Variants in DTNB observed in about 807,000 individuals in gnomAD.
DTNB encodes the protein dystrobrevin beta, also known as DTN-B.
Under a neutral mutation model 90.7 loss-of-function variants are expected in DTNB, and 63 were observed. That is an observed-to-expected ratio of 0.69 (90% CI 0.57 to 0.86). The LOEUF (loss-of-function observed/expected upper bound fraction) is 0.86. Ranked by LOEUF, DTNB falls within the 40% of genes least tolerant of loss-of-function variation. The pLI is 0.00. For synonymous variants in DTNB, 277 were observed against 286.7 expected (o/e 0.97, Z 0.34); for missense variants, 744 against 807.1 (o/e 0.92, Z 0.95).
intron 8 of DTNB, among the ~76,000 whole-genome samples, chr2:25,574,706 T>C (rs1241944083): frequency 6.6e-6 from 1 of 152,218 alleles, no homozygotes; most frequent in African/African-American, 2.4e-5. Context: ...GCATCTACCA[T>C]ACACAAGGCA....
intron 9 of DTNB, among the ~76,000 whole-genome samples, chr2:25,490,062 G>A (rs2067036789): frequency 6.6e-6 from 1 of 152,210 alleles, no homozygotes; most frequent in South Asian, 2.1e-4. Flanking sequence ...GATCGCTTGA[G>A]CCCAGGAGTT....
intron 8 of DTNB, among the ~76,000 whole-genome samples, chr2:25,550,901 C>T (rs552736130): frequency 4.6e-5 from 7 of 152,286 alleles, no homozygotes; most frequent in South Asian, 2.1e-4. Context: ...CTGCCCACCT[C>T]GGCCTCCCAA....
At chr2:25,611,913 T>C (rs1462403373) in intron 4 of DTNB, among the ~76,000 whole-genome samples, 1 of 152,142 alleles carries the variant, frequency 6.6e-6, no homozygotes, top group Non-Finnish European at 1.5e-5. Context: ...GTTATTTGGA[T>C]AGACCAAGCA....
intron 5 of DTNB, among the ~76,000 whole-genome samples, chr2:25,606,602 C>G (rs556548654): frequency 6.6e-6 from 1 of 152,256 alleles, no homozygotes; most frequent in Non-Finnish European, 1.5e-5. Flanking sequence ...TAACTAATAA[C>G]TGAATAAATA....
Position 25,504,554 on chromosome 2 carries a change from C to CAGAA in DTNB, c.1002-21685_1002-21682dup, listed in dbSNP as rs145795119. On this transcript the variant is annotated intron_variant, in intron 9 of 20. Coordinates refer to ENST00000406818, the MANE Select transcript of DTNB (RefSeq NM_021907.5). ...AGGAAAGGCAAGAAAGAAGGCAAGGCAGAAAGAAAGAAAGAAAGAAAGAAA... is the reference window on the plus strand; with the variant it reads ...AGGAAAGGCAAGAAAGAAGGCAAGGCAGAAAGAAAGAAAGAAAGAAAGAAAGAAA... Among the ~76,000 whole-genome samples the CAGAA allele has an allele frequency of 8.7e-3, 964 of 111,084 alleles. 3 individuals are homozygous for CAGAA. Among genetic ancestry groups the CAGAA allele is most frequent in the Non-Finnish European group, 0.012 (688 of 55,678 alleles). 72.9% of individuals were successfully genotyped at this position (111,084 alleles called of 152,430 possible).
At chr2:25,459,862 C>T (rs1348603876) in intron 10 of DTNB, among the ~76,000 whole-genome samples, 3 of 151,992 alleles carry the variant, frequency 2.0e-5, no homozygotes, top group Non-Finnish European at 2.9e-5. Context: ...AATCCCAGCA[C>T]GTTGGGAGGA....
chr2:25,381,917 T>C (rs2037896094), intron 19 of DTNB, among the ~76,000 whole-genome samples: 1 of 152,274 alleles, frequency 6.6e-6, no homozygotes, highest in Non-Finnish European at 1.5e-5. Flanking sequence ...GGGCCAAGAA[T>C]GCTCCAGACC....
intron 9 of DTNB, among the ~76,000 whole-genome samples, chr2:25,484,538 T>G (rs2065734572): frequency 2.6e-5 from 4 of 152,226 alleles, no homozygotes; most frequent in Admixed American, 2.6e-4. Context: ...TCTTTCTCCA[T>G]CTATCTATGC....
intron 9 of DTNB, among the ~76,000 whole-genome samples, chr2:25,485,455 C>T (rs946532925): frequency 1.2e-4 from 18 of 152,132 alleles, no homozygotes; most frequent in African/African-American, 4.3e-4. Flanking sequence ...TGGTCTGATA[C>T]CACAAACATC....
chr2:25,563,311 T>G (rs905197042), intron 8 of DTNB, among the ~76,000 whole-genome samples: 1 of 152,210 alleles, frequency 6.6e-6, no homozygotes. Flanking sequence ...GTGTTGTTTT[T>G]GTTGTTGCTG....
intron 8 of DTNB, among the ~76,000 whole-genome samples, chr2:25,538,236 A>T (rs1043675503): frequency 6.6e-6 from 1 of 151,944 alleles, no homozygotes; most frequent in East Asian, 2.0e-4. Context: ...AACAACAAAA[A>T]ATATATATAT....
chr2:25,514,846 C>G (rs1417185051), intron 9 of DTNB, among the ~76,000 whole-genome samples: 1 of 151,744 alleles, frequency 6.6e-6, no homozygotes, highest in Non-Finnish European at 1.5e-5. Flanking sequence ...CCACGCCTGG[C>G]TAATTTTTGT....
chr2:25,481,409 T>TA (rs1290362948), intron 10 of DTNB, among the ~76,000 whole-genome samples: 3 of 18,076 alleles, frequency 1.7e-4, no homozygotes, highest in Non-Finnish European at 3.0e-4. Flanking sequence ...TGTCTCCAAA[T>TA]TTAAAAAAAA....
rs74524308 is a variant in DTNB at position 25,586,086 on chromosome 2, T to A, written c.604-5260A>T. Among the ~76,000 whole-genome samples the A allele has an allele frequency of 2.7e-3, 406 of 152,318 alleles. 17 individuals are homozygous for A. In the East Asian group the frequency reaches 0.072, roughly 27 times the overall value. On this transcript the variant is annotated intron_variant, in intron 6 of 20. Transcript: ENST00000406818. ...TATTTCTCTCATTGCAAAGATTATTTCCTTTGAAAAAATCATGGAATAATA... is the reference window on the plus strand; with the variant it reads ...TATTTCTCTCATTGCAAAGATTATTACCTTTGAAAAAATCATGGAATAATA...
chr2:25,405,278 C>T (rs574469736), intron 16 of DTNB, among the ~76,000 whole-genome samples: 6 of 152,222 alleles, frequency 3.9e-5, no homozygotes, highest in Non-Finnish European at 7.3e-5. Context: ...TGGTGGCTCA[C>T]GCCTGTAATT....
intron 16 of DTNB, among the ~76,000 whole-genome samples, chr2:25,397,261 C>A (rs2042617262): frequency 6.7e-6 from 1 of 150,312 alleles, no homozygotes; most frequent in Non-Finnish European, 1.5e-5. Context: ...TTGCTTGAAT[C>A]TGGGAGGCAG....
intron 4 of DTNB, among the ~76,000 whole-genome samples, chr2:25,613,926 C>G (rs1199177543): frequency 1.3e-5 from 2 of 152,156 alleles, no homozygotes; most frequent in African/African-American, 4.8e-5. Context: ...CCACTGCACT[C>G]CAGCCTGGGC....
intron 6 of DTNB, among the ~76,000 whole-genome samples, chr2:25,593,428 T>G (rs2063938246): frequency 6.6e-6 from 1 of 152,252 alleles, no homozygotes; most frequent in Non-Finnish European, 1.5e-5. Flanking sequence ...TCTTGCAGCA[T>G]GAAACTTTGT....
At chr2:25,489,019 G>A (rs2066798702) in intron 9 of DTNB, among the ~76,000 whole-genome samples, 1 of 152,160 alleles carries the variant, frequency 6.6e-6, no homozygotes. Flanking sequence ...TGCAGTAAGA[G>A]GGTGGCTTAG....
Sources: allele counts gnomAD v4.1 joint callset (sites outside exome capture counted in the v4.1 genomes callset), GRCh38; gene constraint gnomAD v4.1.1; transcripts MANE v1.5; gene names NCBI Gene and HGNC (gene_info 2026-07-23, HGNC 2026-07-21).